Variants in NPAS3 observed in about 807,000 individuals in gnomAD.
NPAS3 encodes neuronal PAS domain protein 3.
In NPAS3, 14 loss-of-function variants were observed where a neutral mutation model predicts 73.1. The observed-to-expected ratio is 0.19, with a 90% CI of 0.13 to 0.30. The LOEUF (loss-of-function observed/expected upper bound fraction) is 0.30, where lower values mean the gene tolerates loss of function less well. Among genes scored for constraint, NPAS3 ranks in the 10% least tolerant of loss-of-function variants. The probability of loss-of-function intolerance (pLI) is 1.00; values close to 1 mark genes in which losing one functional copy is unlikely to be tolerated. For synonymous variants in NPAS3, 620 were observed against 541.5 expected (o/e 1.14, Z -2.01); for missense variants, 1,096 against 1,250.0 (o/e 0.88, Z 1.86).
At chr14:33,327,569 A>G (rs9671838) in intron 3 of NPAS3, among the ~76,000 whole-genome samples, 24,862 of 152,190 alleles carry the variant, frequency 0.16, 2,318 homozygotes, top group African/African-American at 0.25. Flanking sequence ...ATATTACATT[A>G]TGGTTCTGTA....
chr14:33,580,658 A>G (rs2056628920), intron 5 of NPAS3, among the ~76,000 whole-genome samples: 1 of 152,084 alleles, frequency 6.6e-6, no homozygotes, highest in Non-Finnish European at 1.5e-5. Flanking sequence ...ACGACTATAA[A>G]ACAAAATTGC....
intron 4 of NPAS3, among the ~76,000 whole-genome samples, chr14:33,390,426 C>A (rs1022041028): frequency 6.6e-6 from 1 of 152,098 alleles, no homozygotes; most frequent in Non-Finnish European, 1.5e-5. Flanking sequence ...AAAAGAAGAA[C>A]GTGTTCTTGC....
At chr14:33,243,177 T>C (rs909487164) in intron 3 of NPAS3, among the ~76,000 whole-genome samples, 1 of 152,188 alleles carries the variant, frequency 6.6e-6, no homozygotes, top group African/African-American at 2.4e-5. Context: ...CATAATATTT[T>C]ATGTACCATT....
At chr14:33,658,228 G>GGAGAGACA (rs2140262208) in intron 5 of NPAS3, among the ~76,000 whole-genome samples, 1 of 152,320 alleles carries the variant, frequency 6.6e-6, no homozygotes, top group Non-Finnish European at 1.5e-5. Flanking sequence ...GTTAAAAACT[G>GGAGAGACA]GAGAGACAGA....
chr14:33,299,960 TAA>T (rs1402014946), intron 3 of NPAS3, among the ~76,000 whole-genome samples: 40 of 152,332 alleles, frequency 2.6e-4, no homozygotes, highest in African/African-American at 8.7e-4. Flanking sequence ...ATCCTCATGA[TAA>T]TTCAAAACCG....
intron 4 of NPAS3, among the ~76,000 whole-genome samples, chr14:33,546,910 T>A (rs2054872060): frequency 6.6e-6 from 1 of 152,164 alleles, no homozygotes; most frequent in African/African-American, 2.4e-5. Flanking sequence ...GTGGGTCATG[T>A]CTGTGTGCTG....
intron 4 of NPAS3, among the ~76,000 whole-genome samples, chr14:33,522,224 C>A (rs559271526): frequency 2.0e-5 from 3 of 152,062 alleles, no homozygotes; most frequent in Non-Finnish European, 4.4e-5. Context: ...TCACGTGACA[C>A]GTGATATCAT....
intron 4 of NPAS3, among the ~76,000 whole-genome samples, chr14:33,474,779 G>A (rs1406744038): frequency 2.0e-5 from 3 of 152,130 alleles, no homozygotes; most frequent in African/African-American, 7.2e-5. Flanking sequence ...TAGGTTTTTG[G>A]TTTGGGTAAC....
intron 4 of NPAS3, among the ~76,000 whole-genome samples, chr14:33,485,363 C>A (rs1365309074): frequency 6.6e-6 from 1 of 152,088 alleles, no homozygotes; most frequent in Non-Finnish European, 1.5e-5. Context: ...TCATTTAAGT[C>A]GGTGCTTGCC....
At chr14:33,555,872 A>G (rs1401582694) in intron 4 of NPAS3, among the ~76,000 whole-genome samples, 2 of 142,574 alleles carry the variant, frequency 1.4e-5, no homozygotes, top group East Asian at 4.2e-4. Flanking sequence ...AATATGGTAA[A>G]TTAACCAATT....
At chr14:33,505,305 A>G (rs1348260264) in intron 4 of NPAS3, among the ~76,000 whole-genome samples, 1 of 152,024 alleles carries the variant, frequency 6.6e-6, no homozygotes. Flanking sequence ...TGGCAGTTGA[A>G]TTTTTAATGG....
At chr14:33,529,835 T>G (rs2180954) in intron 4 of NPAS3, among the ~76,000 whole-genome samples, 75,490 of 151,742 alleles carry the variant, frequency 0.5, 21,632 homozygotes, top group African/African-American at 0.81. Context: ...CCGTTTCACT[T>G]GGGAATAAAA....
At chr14:33,363,665 A>G (rs1172341930) in intron 3 of NPAS3, among the ~76,000 whole-genome samples, 1 of 152,198 alleles carries the variant, frequency 6.6e-6, no homozygotes, top group African/African-American at 2.4e-5. Flanking sequence ...TAAATGTCAT[A>G]AAACATTTTT....
chr14:33,075,583 G>A (rs1156332693), intron 2 of NPAS3, among the ~76,000 whole-genome samples: 1 of 152,208 alleles, frequency 6.6e-6, no homozygotes, highest in East Asian at 1.9e-4. Flanking sequence ...TTATCTGCAA[G>A]TTGCTAGAAC....
chr14:33,005,919 C>T (rs1401815055), intron 1 of NPAS3, among the ~76,000 whole-genome samples: 2 of 152,180 alleles, frequency 1.3e-5, no homozygotes, highest in African/African-American at 2.4e-5. Context: ...GGTCCTTCCA[C>T]GGAAACTCTG....
At chr14:33,698,324 T>A (rs971145836) in intron 6 of NPAS3, among the ~76,000 whole-genome samples, 3 of 152,268 alleles carry the variant, frequency 2.0e-5, no homozygotes, top group Non-Finnish European at 4.4e-5. Flanking sequence ...AAGGTTTTTT[T>A]AAAATTATGT....
chr14:33,802,376 T>TAAAAAAAAAAAAAAAA (rs71293230), downstream of NPAS3: 73 of 95,448 alleles, frequency 7.6e-4, no homozygotes, highest in East Asian at 4.5e-3. Context: ...GCACATTAAG[T>TAAAAAAAAAAAAAAAA]AAAAAAAAAA....
chr14:33,176,326 T>G (rs957911133), intron 2 of NPAS3, among the ~76,000 whole-genome samples: 1 of 152,208 alleles, frequency 6.6e-6, no homozygotes, highest in Non-Finnish European at 1.5e-5. Flanking sequence ...AAAGTTTTCA[T>G]GACTCCCAAA....
At chr14:33,318,605 A>G (rs1164405841) in intron 3 of NPAS3, among the ~76,000 whole-genome samples, 1 of 152,158 alleles carries the variant, frequency 6.6e-6, no homozygotes, top group Non-Finnish European at 1.5e-5. Flanking sequence ...CTAAGCAGCT[A>G]GTGCCAAATG....
Sources: allele counts gnomAD v4.1 joint callset (sites outside exome capture counted in the v4.1 genomes callset), GRCh38; gene constraint gnomAD v4.1.1; transcripts MANE v1.5; gene names NCBI Gene and HGNC (gene_info 2026-07-23, HGNC 2026-07-21).